PTGER4: variants seen among roughly 807,000 people sequenced by gnomAD.
PTGER4 encodes the protein prostaglandin E receptor 4.
Under a neutral mutation model 33.2 loss-of-function variants are expected in PTGER4, and 11 were observed. The ratio of observed to expected loss-of-function variants is 0.33; its 90% confidence interval spans 0.21 to 0.55. The LOEUF (loss-of-function observed/expected upper bound fraction) is 0.55. PTGER4 is among the 20% of genes least tolerant of loss of function. The probability of loss-of-function intolerance (pLI) is 0.92; values close to 1 mark genes in which losing one functional copy is unlikely to be tolerated. For missense variants in PTGER4, 481 were observed against 650.2 expected, an observed-to-expected ratio of 0.74 and a Z score of 2.83; for synonymous variants, 275 against 281.5, an observed-to-expected ratio of 0.98 and a Z score of 0.23.
At chr5:40,729,547 A>T in the PTGER4 span, among the ~76,000 whole-genome samples, 1 of 152,338 alleles carries the variant, frequency 6.6e-6, no homozygotes, top group South Asian at 2.1e-4. Context: ...GCTAAGGACT[A>T]AGCCATTTTT....
At position 40,680,694 on chromosome 5, in the gene PTGER4, A is replaced by T. The variant is rs2111780259; in HGVS notation, c.-44+216A>T. Among the ~76,000 whole-genome samples, 1 of 152,310 alleles carries T rather than the reference A, an allele frequency of 6.6e-6. No individual in the cohort carries two copies. The highest frequency in any genetic ancestry group is 2.4e-5 in the African/African-American group (1 of 41,550). On this transcript the variant is annotated intron_variant, in intron 1 of 2. Coordinates refer to ENST00000302472, the MANE Select transcript of PTGER4 (RefSeq NM_000958.3). This position sits in a 1 kb window ranked among gnomAD's most constrained non-coding sequence, Gnocchi z 5.5. ...TCTTATTCATCTTGGCAATGGAGTG[A>T]GTTGGATTGTGGGGAGGAAGAGGAA...
At chr5:40,715,906 T>C in the PTGER4 span, 1 of 402,780 alleles carries the variant, frequency 2.5e-6, no homozygotes, top group Non-Finnish European at 4.4e-6. Flanking sequence ...AAACTAAGTT[T>C]ATTAATCAAA....
At chr5:40,740,844 A>G in the PTGER4 span, among the ~76,000 whole-genome samples, 1 of 152,240 alleles carries the variant, frequency 6.6e-6, no homozygotes, top group Non-Finnish European at 1.5e-5. Flanking sequence ...AGCCGGTCTT[A>G]GCATATGCTT....
chr5:40,692,271 GT>G lies in PTGER4; in HGVS notation c.1361del (p.Val454GlyfsTer28). On this transcript the variant is annotated frameshift_variant, in exon 3 of 3. Transcript: ENST00000302472. LOFTEE classifies it high-confidence loss of function. ...TCAGGACTCAGAGAGTGTCTTACTG[GT>G]GGATGAGGCTGGTGGGAGCGGCAGG... ...QGQDSESVLL[V>X]DEAGGSGRAG... The G allele has an allele frequency of 6.2e-7, 1 of 1,614,226 alleles. No individual in the cohort carries two copies. The highest frequency in any genetic ancestry group is 8.5e-7 in the Non-Finnish European group (1 of 1,180,044).
At chr5:40,714,494 T>A in the PTGER4 span, 1 of 152,222 alleles carries the variant, frequency 6.6e-6, no homozygotes, top group Non-Finnish European at 1.5e-5. Context: ...AAACTATTTA[T>A]TCACAAATTA....
At chr5:40,711,545 G>C in the PTGER4 span, among the ~76,000 whole-genome samples, 2 of 152,030 alleles carry the variant, frequency 1.3e-5, no homozygotes, top group Non-Finnish European at 2.9e-5. Flanking sequence ...ATTTACATAA[G>C]AGAAATGAAC....
At chr5:40,738,484 C>CAATACAATACAATAA in the PTGER4 span, among the ~76,000 whole-genome samples, 2 of 89,812 alleles carry the variant, frequency 2.2e-5, no homozygotes, top group Non-Finnish European at 4.5e-5. Context: ...CAATACAATA[C>CAATACAATACAATAA]AATACAATAC....
At chr5:40,721,718 A>G in the PTGER4 span, among the ~76,000 whole-genome samples, 2 of 152,026 alleles carry the variant, frequency 1.3e-5, no homozygotes, top group Non-Finnish European at 2.9e-5. Context: ...AACAGGGAAA[A>G]CCTTCATGAC....
downstream of PTGER4, among the ~76,000 whole-genome samples, chr5:40,697,338 C>G (rs895157101): frequency 5.3e-5 from 8 of 151,772 alleles, no homozygotes; most frequent in Middle Eastern, 3.4e-3. Context: ...GTAATCCCAG[C>G]ACTTTGGAAG....
the PTGER4 span, chr5:40,728,398 C>A: frequency 6.2e-7 from 1 of 1,613,606 alleles, no homozygotes; most frequent in Non-Finnish European, 8.5e-7. Context: ...TGCCAAGACT[C>A]CCATGAATGT....
At chr5:40,735,971 T>G in the PTGER4 span, among the ~76,000 whole-genome samples, 1 of 152,128 alleles carries the variant, frequency 6.6e-6, no homozygotes, top group African/African-American at 2.4e-5. Context: ...GCAGAGCATT[T>G]GGAGAGAAGC....
the PTGER4 span, chr5:40,730,399 T>A: frequency 6.9e-7 from 1 of 1,455,282 alleles, no homozygotes; most frequent in Non-Finnish European, 9.6e-7. Context: ...TTTTGGACTT[T>A]CAAAAAAAAA....
At chr5:40,724,800 C>T in the PTGER4 span, among the ~76,000 whole-genome samples, 1 of 151,626 alleles carries the variant, frequency 6.6e-6, no homozygotes. Flanking sequence ...GATAATGCAG[C>T]TTGACTCAAA....
the PTGER4 span, among the ~76,000 whole-genome samples, chr5:40,703,647 G>A: frequency 6.6e-6 from 1 of 152,044 alleles, no homozygotes; most frequent in African/African-American, 2.4e-5. Context: ...GCTCACGCCT[G>A]TAATCCCAGC....
chr5:40,691,816 T>C lies in PTGER4; in HGVS notation c.905T>C (p.Leu302Ser), dbSNP rs1190478623. 2 of 1,614,156 alleles carry C rather than the reference T, an allele frequency of 1.2e-6. No individual in the cohort carries two copies. Among genetic ancestry groups the C allele is most frequent in the Admixed American group, 3.3e-5 (2 of 60,028 alleles). Reference protein sequence around the residue: ...VFVNQLYQPSLEREVSKNPDL... With the variant: ...VFVNQLYQPSSEREVSKNPDL... ...GTCAACCAGTTATATCAGCCAAGTTTGGAGCGAGAAGTCAGTAAAAATCCA... is the reference window on the plus strand; with the variant it reads ...GTCAACCAGTTATATCAGCCAAGTTCGGAGCGAGAAGTCAGTAAAAATCCA... Residue 302 changes from leucine (L) to serine (S), a missense_variant, in exon 3 of 3, where the codon TTG (leucine) becomes TCG (serine). Leu to Ser is a moderately radical substitution (Grantham distance 145, BLOSUM62 -2). Around this residue, in one of 7 missense-constraint regions of PTGER4, gnomAD observed 174 missense variants for 210.5 expected, o/e 0.83. Transcript: ENST00000302472. This position sits in a 1 kb window ranked among gnomAD's most constrained non-coding sequence, Gnocchi z 4.2.
At chr5:40,697,818 G>A (rs1224111815), downstream of PTGER4, among the ~76,000 whole-genome samples, 1 of 151,536 alleles carries the variant, frequency 6.6e-6, no homozygotes, top group Admixed American at 6.6e-5. Context: ...TGTGTAATAA[G>A]TATACTCATA....
At chr5:40,716,197 T>G in the PTGER4 span, 1 of 1,614,084 alleles carries the variant, frequency 6.2e-7, no homozygotes, top group Non-Finnish European at 8.5e-7. Flanking sequence ...ACCATCCTCC[T>G]TTTCAGTTAC....
the PTGER4 span, among the ~76,000 whole-genome samples, chr5:40,719,128 TCA>T: frequency 4.8e-4 from 73 of 152,268 alleles, no homozygotes; most frequent in African/African-American, 1.7e-3. Context: ...AATTCAATAT[TCA>T]CAGTCACACA....
At chr5:40,701,194 A>T in the PTGER4 span, among the ~76,000 whole-genome samples, 1 of 152,238 alleles carries the variant, frequency 6.6e-6, no homozygotes, top group Non-Finnish European at 1.5e-5. Context: ...GGCTGGAATG[A>T]TAGAAATAGA....
Sources: allele counts gnomAD v4.1 joint callset (sites outside exome capture counted in the v4.1 genomes callset), GRCh38; gene constraint gnomAD v4.1.1; regional missense constraint gnomAD v4.1.1; non-coding constraint Gnocchi (gnomAD v3.1); transcripts MANE v1.5; gene names NCBI Gene and HGNC (gene_info 2026-07-23, HGNC 2026-07-21).